RFX1: variants seen among roughly 807,000 people sequenced by gnomAD.
The protein encoded by RFX1 is MHC class II regulatory factor RFX1.
A neutral mutation model predicts 119.6 loss-of-function variants in RFX1; 42 were observed. The ratio of observed to expected loss-of-function variants is 0.35; its 90% CI spans 0.27 to 0.45. RFX1 has a LOEUF of 0.45. Ranked by LOEUF, RFX1 falls within the 20% of genes least tolerant of loss-of-function variation. The pLI is 1.00. For missense variants in RFX1, 1,118 were observed against 1,368.1 expected (o/e 0.82, Z 2.88); for synonymous variants, 628 against 618.5 (o/e 1.02, Z -0.23).
rs1447945059 is a variant in RFX1 at position 13,993,837 on chromosome 19, T to C, written c.7A>G (p.Thr3Ala). The C allele has an allele frequency of 2.6e-6, 4 of 1,551,866 alleles. No homozygotes were observed. Among genetic ancestry groups the C allele is most frequent in the African/African-American group, 2.9e-5 (2 of 69,404 alleles). The change falls in exon 2 of 21, where the codon ACA becomes GCA. Residue 3 changes from threonine to alanine, a missense_variant. Transcript: ENST00000254325. ...GCCTGTAGCTCAGTATACGCCTGTG[T>C]TGCCATGCCAACGGTGGGGAAAATG... MATQAYTELQAAP... is the reference protein window; with the variant it reads MAAQAYTELQAAP...
intron 12 of RFX1, among the ~76,000 whole-genome samples, chr19:13,967,238 C>A (rs562635917): frequency 6.6e-6 from 1 of 152,176 alleles, no homozygotes; most frequent in Non-Finnish European, 1.5e-5. Flanking sequence ...AAATGAGCTC[C>A]CACGTGCTCA....
Position 13,962,798 on chromosome 19 carries a change from C to T in RFX1, c.2837G>A (p.Gly946Asp). The T allele has an allele frequency of 6.5e-7, 1 of 1,529,934 alleles. No individual in the cohort carries two copies. Among genetic ancestry groups the T allele is most frequent in the Non-Finnish European group, 8.7e-7 (1 of 1,143,062 alleles). The allele number at this position is 1,529,934 out of a possible 1,614,324, so 94.8% of individuals were successfully genotyped here. A position where few individuals can be genotyped will look rare whatever the true frequency, so the allele number is the denominator to read the frequency against. The stretch of plus-strand genomic sequence containing the variant: ...CGGGCCCAGCGCGGGTGACTCGCCG[C>T]CAGCCGCCAGTGAGATGTCCTGCGG... ...ELPQDISLAA[G>D]GESPALGPET... is the part of the protein sequence containing the mutation. Residue 946 changes from glycine to aspartate, a missense_variant, in exon 21 of 21, where the codon GGC (glycine) becomes GAC (aspartate). This residue lies in a region of RFX1 where 138 missense variants were observed against 117.8 expected (regional missense o/e 1.17). Transcript: ENST00000254325.
Position 13,987,821 on chromosome 19 carries a change from C to G in RFX1, c.320-4226G>C, listed in dbSNP as rs576959124. On this transcript the variant is annotated intron_variant, in intron 2 of 20. Coordinates refer to ENST00000254325, the MANE Select transcript of RFX1 (RefSeq NM_002918.5). ...GAAAGGCGACTAAGCTACCGCCTGACCAAAGTGAGCCCCAGAGAGTTCTGT... is the reference window on the plus strand; with the variant it reads ...GAAAGGCGACTAAGCTACCGCCTGAGCAAAGTGAGCCCCAGAGAGTTCTGT... Among the ~76,000 whole-genome samples the G allele has an allele frequency of 2.6e-5, 4 of 152,286 alleles. No individual in the cohort carries two copies. In the East Asian group the frequency reaches 7.7e-4, roughly 29 times the overall value.
Position 13,963,128 on chromosome 19 carries a change from C to T in RFX1, c.2718G>A (p.Met906Ile). The change falls in exon 19 of 21, where the codon ATG (methionine) becomes ATA (isoleucine). Residue 906 changes from methionine (M) to isoleucine (I), a missense_variant. By Grantham distance (10) the Met-to-Ile change is conservative. This residue lies in a region of RFX1 where 138 missense variants were observed against 117.8 expected (regional missense o/e 1.17). Coordinates refer to ENST00000254325, the MANE Select transcript of RFX1 (RefSeq NM_002918.5). ...AGTGGCCCGCCTCGCGCACCTCGCCCATGACGGCGATGGGGGTCTCGCCCT... is the reference window on the plus strand; with the variant it reads ...AGTGGCCCGCCTCGCGCACCTCGCCTATGACGGCGATGGGGGTCTCGCCCT... ...QAKGETPIAV[M>I]GEFANLATSL... 2 of 1,611,222 alleles carry T rather than the reference C, an allele frequency of 1.2e-6. No individual in the cohort carries two copies. The highest frequency in any genetic ancestry group is 1.7e-6 in the Non-Finnish European group (2 of 1,178,562).
intron 8 of RFX1, among the ~76,000 whole-genome samples, chr19:13,974,024 A>G (rs554638152): frequency 6.6e-6 from 1 of 152,206 alleles, no homozygotes; most frequent in East Asian, 1.9e-4. Context: ...AAAATTGGCA[A>G]GTACTTCGAG....
intron 1 of RFX1, among the ~76,000 whole-genome samples, chr19:14,003,995 G>A (rs182402346): frequency 6.6e-6 from 1 of 151,838 alleles, no homozygotes; most frequent in African/African-American, 2.4e-5. Context: ...TGCAACCTCC[G>A]CCTCCCAGGC....
chr19:13,994,760 T>TGTGTGTGTG (rs1491349675), intron 1 of RFX1, among the ~76,000 whole-genome samples: 1 of 148,156 alleles, frequency 6.7e-6, no homozygotes, highest in African/African-American at 2.5e-5. Flanking sequence ...TGTGTGTGTA[T>TGTGTGTGTG]TTTTTTACTT....
chr19:14,003,372 ACTGGATCCCTGGTATCCAGCTTC>A (rs369032598), intron 1 of RFX1, among the ~76,000 whole-genome samples: 1 of 150,634 alleles, frequency 6.6e-6, no homozygotes, highest in African/African-American at 2.5e-5. Context: ...CCCACTACAA[ACTGGATCCCTGGTATCCAGCTTC>A]CTGGATCCCT....
rs947919579 is a variant in RFX1 at position 13,985,928 on chromosome 19, T to C, written c.320-2333A>G. ...TGGGGGAGGCCTCCGCGTAGCCGCA[T>C]GTGGGCTGTGGGGCATTTGGTCAAT... On this transcript the variant is annotated intron_variant, in intron 2 of 20. Coordinates refer to ENST00000254325, the MANE Select transcript of RFX1 (RefSeq NM_002918.5). The surrounding 1 kb of genome is among the most constrained non-coding windows in gnomAD (Gnocchi z 4.3). 2.6e-5 allele frequency among the ~76,000 whole-genome samples: 4 copies of C among 152,102 alleles called. No individual in the cohort carries two copies. Among genetic ancestry groups the C allele is most frequent in the Non-Finnish European group, 4.4e-5 (3 of 68,016 alleles).
At chr19:14,001,350 G>A (rs1249370658) in intron 1 of RFX1, among the ~76,000 whole-genome samples, 1 of 152,180 alleles carries the variant, frequency 6.6e-6, no homozygotes, top group Non-Finnish European at 1.5e-5. Flanking sequence ...GCCCAGGCTG[G>A]AGCACAGTGG....
rs185105382 is a variant in RFX1, at chr19:13,968,151, G to A, written c.1732+414C>T. Among the ~76,000 whole-genome samples, 4 of 152,268 alleles carry A rather than the reference G, an allele frequency of 2.6e-5. No individual in the cohort carries two copies. The highest frequency in any genetic ancestry group is 9.6e-5 in the African/African-American group (4 of 41,562). ...TGCCTGTAGTTCCAGCTACTCAGGA[G>A]GCTGAGGCAGGAGAATCACTTGAAC... On this transcript the variant is annotated intron_variant, in intron 12 of 20. Coordinates refer to ENST00000254325, the MANE Select transcript of RFX1 (RefSeq NM_002918.5). This position sits in a 1 kb window ranked among gnomAD's most constrained non-coding sequence, Gnocchi z 5.5.
chr19:14,003,282 T>A (rs1043955686), intron 1 of RFX1, among the ~76,000 whole-genome samples: 1 of 150,688 alleles, frequency 6.6e-6, no homozygotes, highest in Non-Finnish European at 1.5e-5. Flanking sequence ...ATTGAGCCAC[T>A]GTGCCCGGCC....
chr19:13,991,178 C>G lies in RFX1; in HGVS notation c.319+2347G>C, dbSNP rs1388404148. Among the ~76,000 whole-genome samples the G allele has an allele frequency of 3.3e-5, 5 of 152,104 alleles. No homozygotes were observed. The East Asian group carries it at 9.7e-4, about 29-fold the overall frequency. On this transcript the variant is annotated intron_variant, in intron 2 of 20. Coordinates refer to ENST00000254325, the MANE Select transcript of RFX1 (RefSeq NM_002918.5). The stretch of plus-strand genomic sequence containing the variant: ...GTGCAGATGCACCCCAGGAGCTGGG[C>G]AGGAGAAGGGGTCCCTGTGGCTGCC...
rs971253499 is a variant in RFX1, at chr19:13,990,545, C to T, written c.319+2980G>A. On this transcript the variant is annotated intron_variant, in intron 2 of 20. Transcript: ENST00000254325. The surrounding 1 kb of genome is among the most constrained non-coding windows in gnomAD (Gnocchi z 4.1). The stretch of plus-strand genomic sequence containing the variant: ...AAAAATTAAAAGATTAGGCCGGGCG[C>T]GGTGGCTCACGCCTGTAATCCCAGC... Among the ~76,000 whole-genome samples, 2 of 152,006 alleles carry T rather than the reference C, an allele frequency of 1.3e-5. No homozygotes were observed. Among genetic ancestry groups the T allele is most frequent in the Non-Finnish European group, 2.9e-5 (2 of 67,978 alleles).
chr19:13,997,036 T>C (rs1458962550), intron 1 of RFX1, among the ~76,000 whole-genome samples: 2 of 151,746 alleles, frequency 1.3e-5, no homozygotes, highest in African/African-American at 4.9e-5. Flanking sequence ...CATTTGCTTC[T>C]TAAAGTAAGT....
rs1445696437 is a variant in RFX1 at position 13,973,146 on chromosome 19, C to T, written c.930-19G>A. 1.3e-6 allele frequency: 2 copies of T among 1,583,884 alleles called. No individual in the cohort carries two copies. The highest frequency in any genetic ancestry group is 1.7e-6 in the Non-Finnish European group (2 of 1,173,738). ...GGAACGGCTGGGAAAGAGGCAAAGCCAAGGGAGAGTCAGGGGGATGAGAAC... is the reference window on the plus strand; with the variant it reads ...GGAACGGCTGGGAAAGAGGCAAAGCTAAGGGAGAGTCAGGGGGATGAGAAC... On this transcript the variant is annotated intron_variant, in intron 8 of 20. Transcript: ENST00000254325.
chr19:13,993,616 C>T lies in RFX1; in HGVS notation c.228G>A (p.Thr76=), dbSNP rs185912672. 78 of 1,610,056 alleles carry T rather than the reference C, an allele frequency of 4.8e-5. No individual in the cohort carries two copies. In the Admixed American group the frequency reaches 9.7e-4, roughly 20 times the overall value. Residue 76 remains threonine, a synonymous_variant, in exon 2 of 21, where the codon ACG becomes ACA. Transcript: ENST00000254325. Reference sequence around the variant, plus strand: ...AGGGTGCGGGTACAGCCGGGAGCTCCGTCACGTACTGCTTCTGGCCACCCG... The same window carrying T: ...AGGGTGCGGGTACAGCCGGGAGCTCTGTCACGTACTGCTTCTGGCCACCCG... The part of the protein sequence containing the change: ...QPPGGQKQYV[T]ELPAVPAPSQ...
At chr19:13,981,204 C>T (rs1010647540) in intron 5 of RFX1, among the ~76,000 whole-genome samples, 1 of 152,248 alleles carries the variant, frequency 6.6e-6, no homozygotes, top group African/African-American at 2.4e-5. Flanking sequence ...CCCATGTCTG[C>T]TCTGAGCCCT....
At chr19:13,993,417 A>T in intron 2 of RFX1, 108 bp downstream of exon 2, 2 of 1,114,778 alleles carry the variant, frequency 1.8e-6, no homozygotes, top group Non-Finnish European at 2.5e-6. Flanking sequence ...CCCAAGTCCC[A>T]TCCAGAAACC....
Sources: allele counts gnomAD v4.1 joint callset (sites outside exome capture counted in the v4.1 genomes callset), GRCh38; gene constraint gnomAD v4.1.1; regional missense constraint gnomAD v4.1.1; non-coding constraint Gnocchi (gnomAD v3.1); transcripts MANE v1.5; gene names NCBI Gene and HGNC (gene_info 2026-07-23, HGNC 2026-07-21).